Variants in ZBTB16 observed in about 807,000 individuals in gnomAD.
The protein encoded by ZBTB16 is zinc finger and BTB domain containing 16, also known as zinc finger and BTB domain-containing protein 16.
A neutral mutation model predicts 56.8 loss-of-function variants in ZBTB16; 8 were observed. The ratio of observed to expected loss-of-function variants is 0.14; its 90% CI spans 0.08 to 0.25. The LOEUF (loss-of-function observed/expected upper bound fraction) is 0.25, where lower values mean the gene tolerates loss of function less well. Ranked by LOEUF, ZBTB16 falls within the 10% of genes least tolerant of loss-of-function variation. The probability of loss-of-function intolerance (pLI) is 1.00; values close to 1 mark genes in which losing one functional copy is unlikely to be tolerated. For synonymous variants in ZBTB16, 363 were observed against 368.5 expected, an observed-to-expected ratio of 0.98 and a Z score of 0.17; for missense variants, 625 against 903.0, an observed-to-expected ratio of 0.69 and a Z score of 3.95.
In ZBTB16 at chr11:114,060,212, C is replaced by G. The variant is rs1425228209; in HGVS notation, c.-91+330C>G. The G allele has an allele frequency of 6.1e-6, 1 of 163,228 alleles. No homozygotes were observed. The highest frequency in any genetic ancestry group is 1.3e-5 in the Non-Finnish European group (1 of 75,740). The allele number at this position is 163,228 out of a possible 1,614,324, so 10.1% of individuals were successfully genotyped here. On this transcript the variant is annotated intron_variant, in intron 1 of 6. Coordinates refer to ENST00000335953, the MANE Select transcript of ZBTB16 (RefSeq NM_006006.6). This position sits in a 1 kb window ranked among gnomAD's most constrained non-coding sequence, Gnocchi z 6.0. ...AGCAGAGGGGTCGGGGATCCGGAGG[C>G]TTTGTACCGCCAGGGGCTGGCGGAG...
At chr11:114,127,742 T>G (rs1941549164) in intron 2 of ZBTB16, among the ~76,000 whole-genome samples, 1 of 152,174 alleles carries the variant, frequency 6.6e-6, no homozygotes, top group Admixed American at 6.5e-5. Flanking sequence ...GCATTGCTGG[T>G]GAAGCCTGAA....
chr11:114,156,946 G>C (rs953767434), intron 3 of ZBTB16, among the ~76,000 whole-genome samples: 2 of 152,108 alleles, frequency 1.3e-5, no homozygotes, highest in South Asian at 2.1e-4. Context: ...CCCACGAGGC[G>C]TGGAATGGGG....
At chr11:114,166,961 G>C (rs949288916) in intron 3 of ZBTB16, among the ~76,000 whole-genome samples, 1 of 152,080 alleles carries the variant, frequency 6.6e-6, no homozygotes, top group African/African-American at 2.4e-5. Context: ...TCTGTGCTCC[G>C]TGCAATACTA....
Position 114,064,044 on chromosome 11 carries a change from G to A in ZBTB16, c.744G>A (p.Val248=). ...AGGTGAAGACGGAGATGATGCAGGT[G>A]GATGAGGTGCCCAGCCAGGACAGCC... ...VAEVKTEMMQ[V]DEVPSQDSPG... Residue 248 remains valine, a synonymous_variant, in exon 2 of 7, where the codon GTG becomes GTA. Transcript: ENST00000335953. This position sits in a 1 kb window ranked among gnomAD's most constrained non-coding sequence, Gnocchi z 4.2. 1.9e-6 allele frequency: 3 copies of A among 1,613,378 alleles called. No homozygotes were observed. Among genetic ancestry groups the A allele is most frequent in the East Asian group, 2.2e-5 (1 of 44,852 alleles).
At position 114,239,227 on chromosome 11, in the gene ZBTB16, A is replaced by AT. The variant is rs751195323; in HGVS notation, c.1454-2938dup. ...CTGGCTGTATAGGCTGAGATGTCCT[A>AT]TTGGGAATGCCATTCATGTTCCCTC... On this transcript the variant is annotated intron_variant, in intron 4 of 6. Coordinates refer to ENST00000335953, the MANE Select transcript of ZBTB16 (RefSeq NM_006006.6). 3.9e-5 allele frequency among the ~76,000 whole-genome samples: 6 copies of AT among 152,320 alleles called. No homozygotes were observed. The East Asian group carries it at 1.2e-3, about 29-fold the overall frequency.
intron 2 of ZBTB16, among the ~76,000 whole-genome samples, chr11:114,105,530 G>T (rs1249679065): frequency 1.3e-5 from 2 of 152,180 alleles, no homozygotes; most frequent in Admixed American, 1.3e-4. Flanking sequence ...ATGAGCCACC[G>T]CGCCCGACCC....
At chr11:114,176,325 C>A (rs938772075) in intron 3 of ZBTB16, among the ~76,000 whole-genome samples, 1 of 152,152 alleles carries the variant, frequency 6.6e-6, no homozygotes, top group African/African-American at 2.4e-5. Flanking sequence ...GCTTTATTAT[C>A]CAGCCTCTCA....
intron 2 of ZBTB16, chr11:114,121,882 C>G (rs1941357425): frequency 3.1e-5 from 14 of 455,102 alleles, no homozygotes; most frequent in South Asian, 2.2e-4. Context: ...AGATGCATTT[C>G]CTGAGATGTG....
chr11:114,247,370 C>T lies in ZBTB16; in HGVS notation c.1792+5C>T, dbSNP rs772163919. 6.7e-5 allele frequency: 108 copies of T among 1,614,130 alleles called. No individual in the cohort carries two copies. Among genetic ancestry groups the T allele is most frequent in the Middle Eastern group, 1.7e-4 (1 of 6,058 alleles). On this transcript the variant is annotated splice_donor_5th_base_variant and intron_variant, in intron 6 of 6. Transcript: ENST00000335953. ...CGCACTATAGGGTGCACACAGGTAC[C>T]GAAGGCCAGGGAGGGGCCTGAGCTG...
intron 2 of ZBTB16, among the ~76,000 whole-genome samples, chr11:114,106,139 A>G (rs1940780159): frequency 6.6e-6 from 1 of 152,164 alleles, no homozygotes; most frequent in African/African-American, 2.4e-5. Context: ...GTTAGGAGGA[A>G]AACGCTGTTC....
chr11:114,255,283 GA>G lies in ZBTB16; in HGVS notation c.*4730del, dbSNP rs2135229588. On this transcript the variant is annotated 3_prime_UTR_variant, in exon 7 of 7. Coordinates refer to ENST00000335953, the MANE Select transcript of ZBTB16 (RefSeq NM_006006.6). Reference sequence around the variant, plus strand: ...GCCAGTCGGATTGCTCTGTATTACAGAATAGTGTTTTTAATTCATCAATGTT... The same window carrying G: ...GCCAGTCGGATTGCTCTGTATTACAGATAGTGTTTTTAATTCATCAATGTT... Among the ~76,000 whole-genome samples the G allele has an allele frequency of 6.6e-6, 1 of 152,306 alleles. No individual in the cohort carries two copies. Among genetic ancestry groups the G allele is most frequent in the South Asian group, 2.1e-4 (1 of 4,830 alleles).
chr11:114,183,010 A>G (rs1043016244), intron 3 of ZBTB16, among the ~76,000 whole-genome samples: 1 of 152,278 alleles, frequency 6.6e-6, no homozygotes, highest in Non-Finnish European at 1.5e-5. Context: ...TAAAGGCACA[A>G]GCCTCCTCAG....
intron 4 of ZBTB16, among the ~76,000 whole-genome samples, chr11:114,231,427 G>A (rs976745309): frequency 1.3e-5 from 2 of 152,096 alleles, no homozygotes; most frequent in Non-Finnish European, 2.9e-5. Context: ...GCCCTCACCT[G>A]GCACAGAGAG....
intron 2 of ZBTB16, among the ~76,000 whole-genome samples, chr11:114,140,727 A>T (rs1941923639): frequency 6.6e-6 from 1 of 152,158 alleles, no homozygotes; most frequent in African/African-American, 2.4e-5. Flanking sequence ...TCGGGAGTAG[A>T]TGGAGATAGG....
chr11:114,225,449 G>A (rs1167125131), intron 4 of ZBTB16, among the ~76,000 whole-genome samples: 1 of 152,188 alleles, frequency 6.6e-6, no homozygotes, highest in Middle Eastern at 3.2e-3. Context: ...TTGGTTCACA[G>A]TTTTGAAGGC....
intron 2 of ZBTB16, among the ~76,000 whole-genome samples, chr11:114,068,603 G>T (rs1368163043): frequency 6.6e-6 from 1 of 152,230 alleles, no homozygotes; most frequent in Non-Finnish European, 1.5e-5. Context: ...ACAGTGGGAA[G>T]ATCTGATAGA....
At chr11:114,180,566 T>G (rs1368912070) in intron 3 of ZBTB16, among the ~76,000 whole-genome samples, 5 of 152,196 alleles carry the variant, frequency 3.3e-5, no homozygotes, top group African/African-American at 1.2e-4. Context: ...TCCTCTCAAC[T>G]ACCTGAGACC....
At chr11:114,175,947 C>A (rs1366918047) in intron 3 of ZBTB16, among the ~76,000 whole-genome samples, 1 of 151,428 alleles carries the variant, frequency 6.6e-6, no homozygotes, top group Non-Finnish European at 1.5e-5. Flanking sequence ...CATTGCCCAG[C>A]CAGTATTGTG....
intron 2 of ZBTB16, among the ~76,000 whole-genome samples, chr11:114,135,681 A>G (rs576010413): frequency 2.8e-4 from 43 of 152,316 alleles, no homozygotes; most frequent in African/African-American, 1.0e-3. Context: ...CTACAGAACT[A>G]TAAGATACAT....
Sources: gnomAD v4.1 joint callset for allele counts (sites outside exome capture counted in the v4.1 genomes callset) on GRCh38, gnomAD v4.1.1 for gene constraint, Gnocchi (gnomAD v3.1) non-coding constraint, MANE v1.5 for transcripts, NCBI Gene and HGNC (gene_info 2026-07-23, HGNC 2026-07-21) for gene names.